Variants in RNF111 observed in about 807,000 individuals in gnomAD.
The protein encoded by RNF111 is ring finger protein 111.
Under a neutral mutation model 95.1 loss-of-function variants are expected in RNF111, and 17 were observed. That is an observed-to-expected ratio of 0.18 (90% CI 0.12 to 0.27). RNF111 has a LOEUF of 0.27. RNF111 is among the 10% of genes least tolerant of loss of function. The pLI, the probability that RNF111 is intolerant of heterozygous loss-of-function variation, is 1.00. For missense variants in RNF111, 1,189 were observed against 1,210.4 expected (o/e 0.98, Z 0.26); for synonymous variants, 440 against 414.8 (o/e 1.06, Z -0.74).
chr15:59,006,732 C>T (rs1301511289), intron 1 of RNF111, among the ~76,000 whole-genome samples: 2 of 152,142 alleles, frequency 1.3e-5, no homozygotes, highest in Non-Finnish European at 2.9e-5. Flanking sequence ...TGCATTTTAC[C>T]CGTAAAAAAC....
chr15:59,013,648 CTCTTT>C (rs1232348908), intron 1 of RNF111, among the ~76,000 whole-genome samples: 5 of 152,140 alleles, frequency 3.3e-5, no homozygotes, highest in Non-Finnish European at 5.9e-5. Context: ...TATAAAGTTA[CTCTTT>C]TCTTGCCTAC....
chr15:59,011,884 A>G (rs377393383), intron 1 of RNF111, among the ~76,000 whole-genome samples: 35 of 152,080 alleles, frequency 2.3e-4, no homozygotes, highest in African/African-American at 7.2e-4. Flanking sequence ...ATATGTTCCA[A>G]CTGAAGATAA....
chr15:59,096,700 G>A lies in RNF111; in HGVS notation c.*1800G>A, dbSNP rs766809048. 2 of 152,242 alleles carry A rather than the reference G, an allele frequency of 1.3e-5. No individual in the cohort carries two copies. Among genetic ancestry groups the A allele is most frequent in the African/African-American group, 2.4e-5 (1 of 41,462 alleles). 9.4% of individuals were successfully genotyped at this position (152,242 alleles called of 1,614,324 possible). ...ACCGAGGTTATAGAAGGTCAGGGGAGAGTGAAGGAGTCAGTGACCTATGTC... is the reference window on the plus strand; with the variant it reads ...ACCGAGGTTATAGAAGGTCAGGGGAAAGTGAAGGAGTCAGTGACCTATGTC... On this transcript the variant is annotated 3_prime_UTR_variant, in exon 14 of 14. Transcript: ENST00000348370.
intron 9 of RNF111, among the ~76,000 whole-genome samples, chr15:59,084,912 C>G (rs570487095): frequency 6.6e-6 from 1 of 152,156 alleles, no homozygotes; most frequent in Non-Finnish European, 1.5e-5. Context: ...TTGACTCCCT[C>G]GACTGATCTT....
intron 13 of RNF111, among the ~76,000 whole-genome samples, chr15:59,093,682 TTAA>T (rs2140262014): frequency 6.6e-6 from 1 of 152,320 alleles, no homozygotes; most frequent in South Asian, 2.1e-4. Flanking sequence ...GTTCTTTTTT[TTAA>T]TGTTAACATA....
At chr15:59,069,418 A>C (rs1205640502) in intron 6 of RNF111, among the ~76,000 whole-genome samples, 27 of 152,208 alleles carry the variant, frequency 1.8e-4, no homozygotes, top group Admixed American at 1.8e-3. Context: ...GAGCTGCCAA[A>C]AGTCTCATTT....
intron 5 of RNF111, among the ~76,000 whole-genome samples, chr15:59,059,256 C>T (rs2042332423): frequency 6.6e-6 from 1 of 152,154 alleles, no homozygotes; most frequent in Admixed American, 6.5e-5. Flanking sequence ...GCACAAGATG[C>T]TCAACATCAC....
intron 1 of RNF111, among the ~76,000 whole-genome samples, chr15:59,012,859 C>T (rs564511757): frequency 6.6e-6 from 1 of 152,114 alleles, no homozygotes; most frequent in African/African-American, 2.4e-5. Flanking sequence ...CCACCTCAGC[C>T]TCCCAAGTAT....
At chr15:59,036,374 TATAAAG>T (rs1344676723) in intron 2 of RNF111, among the ~76,000 whole-genome samples, 1 of 152,108 alleles carries the variant, frequency 6.6e-6, no homozygotes, top group Admixed American at 6.5e-5. Context: ...ACTGGTAACT[TATAAAG>T]GAAAGAGGTT....
intron 2 of RNF111, among the ~76,000 whole-genome samples, chr15:59,044,960 AAAT>A (rs1408996640): frequency 6.6e-6 from 1 of 152,168 alleles, no homozygotes; most frequent in Non-Finnish European, 1.5e-5. Flanking sequence ...CTTTTTAGAA[AAAT>A]AATGATGTTT....
chr15:59,031,044 A>C lies in RNF111; in HGVS notation c.222A>C (p.Gln74His). The C allele has an allele frequency of 6.2e-7, 1 of 1,614,254 alleles. No individual in the cohort carries two copies. Among genetic ancestry groups the C allele is most frequent in the Non-Finnish European group, 8.5e-7 (1 of 1,180,038 alleles). ...FSHLCDDSQKQEKEMNGNQQE... is the reference protein window; with the variant it reads ...FSHLCDDSQKHEKEMNGNQQE... ...ACCTGTGTGATGATTCTCAAAAGCA[A>C]GAGAAGGAAATGAATGGTAACCAGC... is the stretch of plus-strand genomic sequence containing the variant. The change falls in exon 2 of 14, where the codon CAA (glutamine) becomes CAC (histidine). Residue 74 changes from glutamine to histidine, a missense_variant. Transcript: ENST00000348370.
chr15:58,994,381 AT>A (rs1344207335), intron 1 of RNF111, among the ~76,000 whole-genome samples: 1 of 151,738 alleles, frequency 6.6e-6, no homozygotes, highest in Non-Finnish European at 1.5e-5. Context: ...TTACCGAAAG[AT>A]TTAAAAAATA....
chr15:58,996,127 T>C (rs1265354279), intron 1 of RNF111, among the ~76,000 whole-genome samples: 2 of 152,170 alleles, frequency 1.3e-5, no homozygotes, highest in African/African-American at 4.8e-5. Context: ...TTAATTGTGA[T>C]CATATGAAAT....
intron 6 of RNF111, among the ~76,000 whole-genome samples, chr15:59,068,404 C>G (rs1237325285): frequency 2.0e-5 from 3 of 152,132 alleles, no homozygotes; most frequent in Admixed American, 1.3e-4. Context: ...GTCAGAAGTT[C>G]AAGACCAGCC....
chr15:59,028,825 G>A lies in RNF111; in HGVS notation c.-19-1979G>A, dbSNP rs537975111. Among the ~76,000 whole-genome samples the A allele has an allele frequency of 6.0e-5, 9 of 149,590 alleles. No individual in the cohort carries two copies. In the East Asian group the frequency reaches 1.6e-3, roughly 26 times the overall value. ...GATAGAGTCTTGCTCTGTTGCTCAAGCTGGACTGTAGCGGTGCAGTCCCAG... is the reference window on the plus strand; with the variant it reads ...GATAGAGTCTTGCTCTGTTGCTCAAACTGGACTGTAGCGGTGCAGTCCCAG... On this transcript the variant is annotated intron_variant, in intron 1 of 13. Transcript: ENST00000348370.
intron 5 of RNF111, among the ~76,000 whole-genome samples, chr15:59,060,281 T>C (rs2899640): frequency 0.29 from 44,277 of 151,772 alleles, 6,649 homozygotes; most frequent in Middle Eastern, 0.44. Flanking sequence ...GGGTATCTTA[T>C]ATGTTATTGT....
chr15:59,044,914 A>C (rs1027866305), intron 2 of RNF111, among the ~76,000 whole-genome samples: 1 of 152,202 alleles, frequency 6.6e-6, no homozygotes, highest in Admixed American at 6.5e-5. Flanking sequence ...TAGTTATATA[A>C]TTTTTATGTA....
At chr15:59,045,910 TTTG>T (rs1346374324) in intron 2 of RNF111, among the ~76,000 whole-genome samples, 1 of 152,206 alleles carries the variant, frequency 6.6e-6, no homozygotes, top group Non-Finnish European at 1.5e-5. Context: ...GTGCTACTGT[TTTG>T]TTGTTTTTCT....
At chr15:58,999,302 TAA>T (rs1355061049) in intron 1 of RNF111, among the ~76,000 whole-genome samples, 2 of 152,224 alleles carry the variant, frequency 1.3e-5, no homozygotes, top group African/African-American at 4.8e-5. Flanking sequence ...AATATTTTAA[TAA>T]AAGTTACTTA....
Sources: gnomAD v4.1 joint callset for allele counts (sites outside exome capture counted in the v4.1 genomes callset) on GRCh38, gnomAD v4.1.1 for gene constraint, MANE v1.5 for transcripts, NCBI Gene and HGNC (gene_info 2026-07-23, HGNC 2026-07-21) for gene names.